Variants in IGSF5 observed in about 807,000 individuals in gnomAD.
IGSF5 encodes immunoglobulin superfamily 5 like.
A neutral mutation model predicts 39.4 loss-of-function variants in IGSF5; 41 were observed. The ratio of observed to expected loss-of-function variants is 1.04; its 90% CI spans 0.81 to 1.35. IGSF5 has a LOEUF of 1.35. Among genes scored for constraint, IGSF5 ranks in the 40% most tolerant of loss-of-function variants. IGSF5 has a pLI of 0.00. For missense variants in IGSF5, 487 were observed against 494.6 expected (o/e 0.98, Z 0.15); for synonymous variants, 183 against 175.3 (o/e 1.04, Z -0.34).
At chr21:39,732,735 A>C in the IGSF5 span, among the ~76,000 whole-genome samples, 1 of 152,208 alleles carries the variant, frequency 6.6e-6, no homozygotes, top group East Asian at 1.9e-4. Context: ...TAGTTAAGAT[A>C]TAATTCCAAG....
chr21:39,731,431 G>A, the IGSF5 span, among the ~76,000 whole-genome samples: 1 of 152,172 alleles, frequency 6.6e-6, no homozygotes, highest in African/African-American at 2.4e-5. Context: ...CTTTGAGTGT[G>A]GGAGAGTCTG....
At chr21:39,744,733 T>C (rs1482442515), upstream of IGSF5, among the ~76,000 whole-genome samples, 1 of 152,246 alleles carries the variant, frequency 6.6e-6, no homozygotes, top group Non-Finnish European at 1.5e-5. Context: ...GTTAGTAAGC[T>C]ACCTCTTTGC....
intron 6 of IGSF5, among the ~76,000 whole-genome samples, chr21:39,788,679 G>A (rs1445923837): frequency 6.6e-6 from 1 of 152,160 alleles, no homozygotes; most frequent in East Asian, 1.9e-4. Flanking sequence ...CGGACAGGAC[G>A]GAAAAATTCC....
chr21:39,773,687 C>G (rs1407756041), intron 4 of IGSF5, among the ~76,000 whole-genome samples: 1 of 152,164 alleles, frequency 6.6e-6, no homozygotes, highest in Admixed American at 6.5e-5. Context: ...TTGCACTTCC[C>G]TGTCTCCACC....
At chr21:39,798,444 G>A (rs755305014) in intron 8 of IGSF5, among the ~76,000 whole-genome samples, 8 of 152,174 alleles carry the variant, frequency 5.3e-5, no homozygotes, top group Non-Finnish European at 1.0e-4. Flanking sequence ...AAGTAGAGGA[G>A]TGTCTGGACA....
At chr21:39,713,927 CT>C in the IGSF5 span, among the ~76,000 whole-genome samples, 7 of 152,232 alleles carry the variant, frequency 4.6e-5, no homozygotes, top group Non-Finnish European at 8.8e-5. Flanking sequence ...TTCATTCAGC[CT>C]TAATGTGTCC....
intron 2 of IGSF5, among the ~76,000 whole-genome samples, chr21:39,750,523 A>AG (rs61520462): frequency 0.038 from 5,794 of 151,270 alleles, 356 homozygotes; most frequent in East Asian, 0.28. Context: ...AAAAAAAAAA[A>AG]AAAGCAGTTC....
At chr21:39,745,895 G>A (rs1411216997) in intron 1 of IGSF5, among the ~76,000 whole-genome samples, 1 of 152,042 alleles carries the variant, frequency 6.6e-6, no homozygotes, top group African/African-American at 2.4e-5. Flanking sequence ...ATGTCCCTTC[G>A]TGGTTGCCAA....
the IGSF5 span, among the ~76,000 whole-genome samples, chr21:39,734,579 A>G: frequency 5.3e-5 from 8 of 152,010 alleles, no homozygotes; most frequent in South Asian, 8.3e-4. Context: ...ATAACCACTG[A>G]TTTTTTTAAA....
At chr21:39,799,963 G>C (rs1300401557) in intron 8 of IGSF5, among the ~76,000 whole-genome samples, 1 of 152,118 alleles carries the variant, frequency 6.6e-6, no homozygotes, top group Non-Finnish European at 1.5e-5. Context: ...TCTGATGACT[G>C]AATCTACAGT....
intron 3 of IGSF5, among the ~76,000 whole-genome samples, chr21:39,767,007 G>C (rs1256557986): frequency 3.9e-5 from 6 of 152,130 alleles, no homozygotes; most frequent in African/African-American, 1.4e-4. Context: ...AAATTGGTGT[G>C]TCTTACTTTT....
At chr21:39,761,822 A>C (rs8126948) in intron 2 of IGSF5, among the ~76,000 whole-genome samples, 122,355 of 151,540 alleles carry the variant, frequency 0.81, 49,556 homozygotes, top group Admixed American at 0.85. Flanking sequence ...GCACATGCTA[A>C]CACACACGGC....
intron 5 of IGSF5, among the ~76,000 whole-genome samples, chr21:39,787,953 A>G (rs456522): frequency 0.8 from 121,147 of 152,106 alleles, 48,403 homozygotes; most frequent in Admixed American, 0.84. Flanking sequence ...GTACCTAGGA[A>G]TTATTTATTT....
At chr21:39,762,613 C>A (rs543243992) in intron 2 of IGSF5, among the ~76,000 whole-genome samples, 1 of 152,290 alleles carries the variant, frequency 6.6e-6, no homozygotes, top group Non-Finnish European at 1.5e-5. Flanking sequence ...GAAGAGGATT[C>A]TCTTCAGAAG....
At chr21:39,792,189 C>A in intron 7 of IGSF5, 90 bp downstream of exon 7, 1 of 766,626 alleles carries the variant, frequency 1.3e-6, no homozygotes, top group Non-Finnish European at 2.1e-6. Flanking sequence ...CACAGGGAGG[C>A]TAACTTGGCA....
At chr21:39,797,505 C>T (rs1230072127) in intron 8 of IGSF5, among the ~76,000 whole-genome samples, 2 of 152,116 alleles carry the variant, frequency 1.3e-5, no homozygotes, top group African/African-American at 4.8e-5. Flanking sequence ...AGGCGTGAGA[C>T]AGCTTGCCCG....
intron 4 of IGSF5, among the ~76,000 whole-genome samples, chr21:39,778,098 T>G (rs1016655706): frequency 6.6e-6 from 1 of 152,280 alleles, no homozygotes; most frequent in Admixed American, 6.5e-5. Flanking sequence ...TCAACTTAAA[T>G]GTGTGTGGTT....
At chr21:39,782,494 C>A (rs2080175896) in intron 5 of IGSF5, among the ~76,000 whole-genome samples, 1 of 152,162 alleles carries the variant, frequency 6.6e-6, no homozygotes, top group Admixed American at 6.5e-5. Context: ...AACACTGTAC[C>A]TATCAAACAA....
chr21:39,799,114 C>T (rs1200398028), intron 8 of IGSF5, among the ~76,000 whole-genome samples: 1 of 152,176 alleles, frequency 6.6e-6, no homozygotes, highest in African/African-American at 2.4e-5. Flanking sequence ...GCCTGGAGCT[C>T]CCCCTTTTGC....
Sources: allele counts gnomAD v4.1 joint callset (sites outside exome capture counted in the v4.1 genomes callset), GRCh38; gene constraint gnomAD v4.1.1; transcripts MANE v1.5; gene names NCBI Gene and HGNC (gene_info 2026-07-23, HGNC 2026-07-21).